KIF13A: variants seen among roughly 807,000 people sequenced by gnomAD.
KIF13A encodes kinesin family member 13A.
Under a neutral mutation model 212.2 loss-of-function variants are expected in KIF13A, and 79 were observed. The ratio of observed to expected loss-of-function variants is 0.37; its 90% CI spans 0.31 to 0.45. The LOEUF (loss-of-function observed/expected upper bound fraction) is 0.45. KIF13A is among the 20% of genes least tolerant of loss of function. KIF13A has a pLI of 1.00. For missense variants in KIF13A, 1,901 were observed against 2,209.0 expected, an observed-to-expected ratio of 0.86 and a Z score of 2.79; for synonymous variants, 789 against 808.6, an observed-to-expected ratio of 0.98 and a Z score of 0.41.
intron 22 of KIF13A, among the ~76,000 whole-genome samples, chr6:17,798,296 A>G (rs1469513393): frequency 6.6e-6 from 1 of 152,224 alleles, no homozygotes; most frequent in East Asian, 1.9e-4. Flanking sequence ...TTATTAAAAC[A>G]GCTGTTAACC....
intron 2 of KIF13A, among the ~76,000 whole-genome samples, chr6:17,921,499 T>C (rs1431667143): frequency 6.6e-6 from 1 of 152,228 alleles, no homozygotes. Context: ...GTACAATCTT[T>C]CCAGAAAGTT....
Position 17,921,106 on chromosome 6 carries a change from T to C in KIF13A, c.147-22926A>G, listed in dbSNP as rs112129701. On this transcript the variant is annotated intron_variant, in intron 2 of 38. Coordinates refer to ENST00000259711, the MANE Select transcript of KIF13A (RefSeq NM_022113.6). ...CCAAAGATATTCAGAGAAGGATTAC[T>C]GCAGCAAGACACACTAATGTTAGTG... 7.3e-3 allele frequency among the ~76,000 whole-genome samples: 1,111 copies of C among 152,286 alleles called. 19 individuals carry two copies. The highest frequency in any genetic ancestry group is 0.025 in the African/African-American group (1,042 of 41,558).
At position 17,909,062 on chromosome 6, in the gene KIF13A, G is replaced by A. The variant is rs985753543; in HGVS notation, c.147-10882C>T. ...GCGTGGGTAATGCTGTACATCATTA[G>A]CATGCAGAGTTATTGCTCAATAAAT... On this transcript the variant is annotated intron_variant, in intron 2 of 38. Coordinates refer to ENST00000259711, the MANE Select transcript of KIF13A (RefSeq NM_022113.6). Among the ~76,000 whole-genome samples, 6 of 152,220 alleles carry A rather than the reference G, an allele frequency of 3.9e-5. No homozygotes were observed. In the South Asian group the frequency reaches 6.2e-4, roughly 16 times the overall value.
intron 2 of KIF13A, among the ~76,000 whole-genome samples, chr6:17,907,391 T>C (rs1773604786): frequency 2.0e-5 from 3 of 152,160 alleles, no homozygotes; most frequent in African/African-American, 7.2e-5. Flanking sequence ...GGCTAGGTAT[T>C]GATTGGATAG....
chr6:17,766,177 C>T (rs1465890826), intron 38 of KIF13A, among the ~76,000 whole-genome samples: 1 of 152,000 alleles, frequency 6.6e-6, no homozygotes, highest in African/African-American at 2.4e-5. Flanking sequence ...CAGCCTTACT[C>T]ATTAAGTTTG....
intron 2 of KIF13A, among the ~76,000 whole-genome samples, chr6:17,941,453 G>A (rs1776947788): frequency 6.6e-6 from 1 of 152,140 alleles, no homozygotes; most frequent in Non-Finnish European, 1.5e-5. Context: ...ACCTCAGAAT[G>A]CGACATCTGG....
Position 17,769,054 on chromosome 6 carries a change from G to A in KIF13A, c.4581+2060C>T, listed in dbSNP as rs147545572. Among the ~76,000 whole-genome samples the A allele has an allele frequency of 3.3e-5, 5 of 152,328 alleles. No individual in the cohort carries two copies. Among genetic ancestry groups the A allele is most frequent in the African/African-American group, 1.2e-4 (5 of 41,576 alleles). ...TTAACAGGAACAATGTCTTGATGCT[G>A]TTCTTCTCAAGAATGATTTCAAACT... On this transcript the variant is annotated intron_variant, in intron 38 of 38. Coordinates refer to ENST00000259711, the MANE Select transcript of KIF13A (RefSeq NM_022113.6). This position sits in a 1 kb window ranked among gnomAD's most constrained non-coding sequence, Gnocchi z 5.8.
chr6:17,943,829 C>A (rs1777155343), intron 2 of KIF13A, among the ~76,000 whole-genome samples: 1 of 152,054 alleles, frequency 6.6e-6, no homozygotes, highest in Admixed American at 6.6e-5. Flanking sequence ...GTCAACGAAC[C>A]CACCCAGCAT....
chr6:17,968,043 T>A lies in KIF13A; in HGVS notation c.146+19011A>T, dbSNP rs1779478598. 6.6e-6 allele frequency among the ~76,000 whole-genome samples: 1 copy of A among 152,194 alleles called. No homozygotes were observed. The highest frequency in any genetic ancestry group is 2.4e-5 in the African/African-American group (1 of 41,442). The stretch of plus-strand genomic sequence containing the variant: ...ACGGCATACTGAGAATTGCCCACAA[T>A]GCTGAGAACCCCTGGGGGACTGACA... On this transcript the variant is annotated intron_variant, in intron 2 of 38. Coordinates refer to ENST00000259711, the MANE Select transcript of KIF13A (RefSeq NM_022113.6). The surrounding 1 kb of genome is among the most constrained non-coding windows in gnomAD (Gnocchi z 4.7).
At position 17,898,322 on chromosome 6, in the gene KIF13A, T is replaced by A. The variant is rs1369376401; in HGVS notation, c.147-142A>T. 3 of 767,526 alleles carry A rather than the reference T, an allele frequency of 3.9e-6. No individual in the cohort carries two copies. The allele number at this position is 767,526 out of a possible 1,614,324, so 47.5% of individuals were successfully genotyped here. On this transcript the variant is annotated intron_variant, in intron 2 of 38. Transcript: ENST00000259711. This position sits in a 1 kb window ranked among gnomAD's most constrained non-coding sequence, Gnocchi z 5.2. ...TAACATGATCTGAAAGATATTCTTC[T>A]TCATGAAGATCAGAAGCCAAATTCA...
At chr6:17,815,617 C>G (rs1763858971) in intron 17 of KIF13A, 2 of 441,822 alleles carry the variant, frequency 4.5e-6, no homozygotes, top group South Asian at 3.2e-5. Flanking sequence ...CTCTGTATGG[C>G]TGGTTTTTCC....
intron 2 of KIF13A, among the ~76,000 whole-genome samples, chr6:17,908,735 T>C (rs1013531381): frequency 1.4e-4 from 22 of 152,226 alleles, no homozygotes; most frequent in African/African-American, 5.1e-4. Flanking sequence ...TCATTTTCAA[T>C]AAAACTCAAA....
chr6:17,881,679 G>C, intron 3 of KIF13A: 3 of 337,804 alleles, frequency 8.9e-6, no homozygotes, highest in South Asian at 6.9e-5. Context: ...CCTGGCGACA[G>C]AGCTAGACTG....
intron 2 of KIF13A, among the ~76,000 whole-genome samples, chr6:17,973,212 T>C (rs2744058): frequency 0.5 from 76,241 of 152,084 alleles, 20,699 homozygotes; most frequent in Non-Finnish European, 0.61. Flanking sequence ...AACAGCTGTA[T>C]ACCTTTAAGA....
chr6:17,975,668 T>G (rs1473659190), intron 2 of KIF13A, among the ~76,000 whole-genome samples: 1 of 152,192 alleles, frequency 6.6e-6, no homozygotes, highest in Non-Finnish European at 1.5e-5. Context: ...AGCCCAGAGG[T>G]CTGTTTTGAC....
At chr6:17,805,137 G>C (rs1581359895) in intron 19 of KIF13A, among the ~76,000 whole-genome samples, 1 of 152,172 alleles carries the variant, frequency 6.6e-6, no homozygotes, top group Admixed American at 6.5e-5. Flanking sequence ...CTCCAGTCAA[G>C]CTGATTTTTC....
At position 17,799,172 on chromosome 6, in the gene KIF13A, T is replaced by C. The variant is rs1762280850; in HGVS notation, c.2790+94A>G. ...GTTAAAACATCTAATAAACATATTA[T>C]ACTTAAAACAAATGCTTGTGGGGAC... is the stretch of plus-strand genomic sequence containing the variant. On this transcript the variant is annotated intron_variant, in intron 22 of 38. Coordinates refer to ENST00000259711, the MANE Select transcript of KIF13A (RefSeq NM_022113.6). This position sits in a 1 kb window ranked among gnomAD's most constrained non-coding sequence, Gnocchi z 4.4. 1.3e-6 allele frequency: 1 copy of C among 764,320 alleles called. No homozygotes were observed. Among genetic ancestry groups the C allele is most frequent in the African/African-American group, 1.7e-5 (1 of 57,458 alleles). The allele number at this position is 764,320 out of a possible 1,614,324, so 47.3% of individuals were successfully genotyped here. A position where few individuals can be genotyped will look rare whatever the true frequency, so the allele number is the denominator to read the frequency against.
chr6:17,779,188 G>A (rs1410278170), intron 32 of KIF13A, 89 bp from the exon 33 acceptor site: 1 of 944,894 alleles, frequency 1.1e-6, no homozygotes, highest in East Asian at 2.6e-5. Flanking sequence ...GAAGTCTGGA[G>A]AATGAACACA....
chr6:17,848,227 C>T (rs1345764919), intron 9 of KIF13A, among the ~76,000 whole-genome samples: 2 of 152,158 alleles, frequency 1.3e-5, no homozygotes, highest in Non-Finnish European at 2.9e-5. Context: ...TATCCATCAC[C>T]TCAAACACTT....
Sources: allele counts gnomAD v4.1 joint callset (sites outside exome capture counted in the v4.1 genomes callset), GRCh38; gene constraint gnomAD v4.1.1; non-coding constraint Gnocchi (gnomAD v3.1); transcripts MANE v1.5; gene names NCBI Gene and HGNC (gene_info 2026-07-23, HGNC 2026-07-21).